ZNF385D: variants seen among roughly 807,000 people sequenced by gnomAD.
ZNF385D encodes zinc finger protein 659.
ZNF385D carries 15 observed loss-of-function variants against 35.8 expected under a neutral mutation model. The observed-to-expected ratio is 0.42, with a 90% CI of 0.28 to 0.64. ZNF385D has a LOEUF of 0.64. ZNF385D is among the 30% of genes least tolerant of loss of function. ZNF385D has a pLI of 0.23. For missense variants in ZNF385D, 474 were observed against 494.6 expected (o/e 0.96, Z 0.39); for synonymous variants, 212 against 186.8 (o/e 1.13, Z -1.10).
At chr3:22,280,768 G>A (rs1701697118) in intron 2 of ZNF385D, among the ~76,000 whole-genome samples, 1 of 151,972 alleles carries the variant, frequency 6.6e-6, no homozygotes, top group South Asian at 2.1e-4. Context: ...GGGTTCATAT[G>A]AATTTTATGA....
intron 3 of ZNF385D, among the ~76,000 whole-genome samples, chr3:21,901,550 G>T (rs562366852): frequency 2.0e-5 from 3 of 152,294 alleles, no homozygotes; most frequent in East Asian, 3.9e-4. Flanking sequence ...GCCAGGCACT[G>T]TGATATAAGC....
At chr3:21,673,608 A>G (rs1384338260) in intron 1 of ZNF385D, among the ~76,000 whole-genome samples, 1 of 152,144 alleles carries the variant, frequency 6.6e-6, no homozygotes, top group Non-Finnish European at 1.5e-5. Context: ...ATCATCGTCC[A>G]TTTCTAGAGA....
intron 3 of ZNF385D, among the ~76,000 whole-genome samples, chr3:22,027,780 G>A (rs1697654204): frequency 6.6e-6 from 1 of 152,154 alleles, no homozygotes; most frequent in Non-Finnish European, 1.5e-5. Context: ...AAATGCCCAT[G>A]GTCTCCACTC....
At chr3:21,794,605 C>T (rs1291039240) in intron 3 of ZNF385D, among the ~76,000 whole-genome samples, 1 of 152,090 alleles carries the variant, frequency 6.6e-6, no homozygotes, top group Admixed American at 6.5e-5. Context: ...GTGGTGTTCT[C>T]ACAGGATGGA....
chr3:22,205,008 C>T (rs2125249752), intron 2 of ZNF385D, among the ~76,000 whole-genome samples: 1 of 146,564 alleles, frequency 6.8e-6, no homozygotes, highest in Admixed American at 6.8e-5. Context: ...AATCAATATC[C>T]ATGTACAAGA....
chr3:22,000,399 C>A (rs918064826), intron 3 of ZNF385D, among the ~76,000 whole-genome samples: 1 of 152,078 alleles, frequency 6.6e-6, no homozygotes. Context: ...AGTGCCATGA[C>A]AGTTTACAAA....
At chr3:21,754,127 C>T (rs2070232157), upstream of ZNF385D, among the ~76,000 whole-genome samples, 1 of 152,158 alleles carries the variant, frequency 6.6e-6, no homozygotes, top group Non-Finnish European at 1.5e-5. Context: ...AGTAATACTG[C>T]AATGAACATG....
intron 3 of ZNF385D, among the ~76,000 whole-genome samples, chr3:21,925,060 A>G (rs576603478): frequency 1.3e-5 from 2 of 152,330 alleles, no homozygotes; most frequent in Non-Finnish European, 2.9e-5. Context: ...AGAACACAGT[A>G]AGGATGCCAA....
chr3:22,208,538 T>C (rs1277315906), intron 2 of ZNF385D, among the ~76,000 whole-genome samples: 2 of 151,808 alleles, frequency 1.3e-5, no homozygotes, highest in East Asian at 1.9e-4. Flanking sequence ...TCAATAATAA[T>C]TGTACATTGT....
chr3:22,208,210 G>T (rs1019055872), intron 2 of ZNF385D, among the ~76,000 whole-genome samples: 1 of 151,872 alleles, frequency 6.6e-6, no homozygotes, highest in African/African-American at 2.4e-5. Flanking sequence ...AGACTCAAAT[G>T]GAGAAAGAAA....
At chr3:21,768,198 A>G (rs1360733204) in intron 3 of ZNF385D, among the ~76,000 whole-genome samples, 1 of 152,116 alleles carries the variant, frequency 6.6e-6, no homozygotes, top group African/African-American at 2.4e-5. Context: ...AAAAAGGACA[A>G]AGGACTTTCT....
At chr3:21,711,338 G>A (rs943897203) in intron 1 of ZNF385D, among the ~76,000 whole-genome samples, 7 of 151,990 alleles carry the variant, frequency 4.6e-5, no homozygotes, top group African/African-American at 1.7e-4. Context: ...ACCGCGCCCG[G>A]CCGCCAAAAG....
At chr3:22,141,677 G>A (rs1264395055) in intron 3 of ZNF385D, among the ~76,000 whole-genome samples, 1 of 152,124 alleles carries the variant, frequency 6.6e-6, no homozygotes, top group Non-Finnish European at 1.5e-5. Flanking sequence ...GGGAGGAGGA[G>A]GAGGAGGGTA....
intron 7 of ZNF385D, 49 bp from the exon 8 acceptor site, chr3:21,421,496 G>T: frequency 6.9e-7 from 1 of 1,459,540 alleles, no homozygotes; most frequent in Non-Finnish European, 9.4e-7. Context: ...TTTGGAATTT[G>T]TACTTAAAAC....
At chr3:21,764,238 G>C (rs1373992893) in intron 3 of ZNF385D, among the ~76,000 whole-genome samples, 1 of 152,152 alleles carries the variant, frequency 6.6e-6, no homozygotes, top group Non-Finnish European at 1.5e-5. Flanking sequence ...GGAGACAAGA[G>C]CTAGAAGATG....
chr3:21,432,044 C>CT lies in ZNF385D; in HGVS notation c.673+4925dup, dbSNP rs1328205976. ...AATACAGATTGATGAACAAATACAACTTTTTTTTTCATTTGTAAAAAGAAA... is the reference window on the plus strand; with the variant it reads ...AATACAGATTGATGAACAAATACAACTTTTTTTTTTCATTTGTAAAAAGAAA... On this transcript the variant is annotated intron_variant, in intron 5 of 7. Coordinates refer to ENST00000281523, the MANE Select transcript of ZNF385D (RefSeq NM_024697.3). Among the ~76,000 whole-genome samples, 15 of 151,536 alleles carry CT rather than the reference C, an allele frequency of 9.9e-5. No homozygotes were observed. In the South Asian group the frequency reaches 2.7e-3, roughly 27 times the overall value.
At chr3:22,110,427 G>A (rs1434458969) in intron 3 of ZNF385D, among the ~76,000 whole-genome samples, 6 of 152,040 alleles carry the variant, frequency 3.9e-5, no homozygotes, top group Admixed American at 2.6e-4. Flanking sequence ...AGAAAATGTG[G>A]CACATATACA....
intron 3 of ZNF385D, among the ~76,000 whole-genome samples, chr3:21,835,090 G>A (rs959221783): frequency 9.9e-5 from 15 of 151,998 alleles, no homozygotes; most frequent in Admixed American, 2.0e-4. Context: ...TTGGTATACA[G>A]TCATGACCCT....
chr3:22,298,110 T>G (rs559074142), intron 2 of ZNF385D, among the ~76,000 whole-genome samples: 1 of 152,066 alleles, frequency 6.6e-6, no homozygotes, highest in South Asian at 2.1e-4. Flanking sequence ...CATATAATCT[T>G]CGTGCTTTAA....
Sources: allele counts gnomAD v4.1 joint callset (sites outside exome capture counted in the v4.1 genomes callset), GRCh38; gene constraint gnomAD v4.1.1; transcripts MANE v1.5; gene names NCBI Gene and HGNC (gene_info 2026-07-23, HGNC 2026-07-21).